Variants in PMAIP1 observed in about 807,000 individuals in gnomAD.
PMAIP1 encodes the protein PMA-induced protein 1.
In PMAIP1, 3 loss-of-function variants were observed where a neutral mutation model predicts 3.7. The ratio of observed to expected loss-of-function variants is 0.82; its 90% confidence interval spans 0.37 to 2.12. The LOEUF (loss-of-function observed/expected upper bound fraction) is 2.12, where lower values mean the gene tolerates loss of function less well. Ranked by LOEUF, PMAIP1 falls within the 30% of genes most tolerant of loss-of-function variation. The pLI, the probability that PMAIP1 is intolerant of heterozygous loss-of-function variation, is 0.06. For missense variants in PMAIP1, 77 were observed against 67.1 expected (o/e 1.15, Z -0.52); for synonymous variants, 29 against 26.2 (o/e 1.11, Z -0.32).
At chr18:59,900,503 G>A (rs756560533) in intron 1 of PMAIP1, 7 of 1,550,512 alleles carry the variant, frequency 4.5e-6, no homozygotes, top group Admixed American at 3.9e-5. Context: ...TTCACCAGGG[G>A]CAAAAAGCTC....
chr18:59,901,594 A>G (rs1333569876), intron 1 of PMAIP1, among the ~76,000 whole-genome samples: 1 of 152,206 alleles, frequency 6.6e-6, no homozygotes, highest in African/African-American at 2.4e-5. Flanking sequence ...ATTTTGCTTT[A>G]CTATATATTG....
intron 1 of PMAIP1, 178 bp downstream of exon 1, chr18:59,900,413 G>C (rs761218714): frequency 6.5e-7 from 1 of 1,550,232 alleles, no homozygotes; most frequent in East Asian, 2.4e-5. Flanking sequence ...AAAGTTCTTC[G>C]GGGTTTTTCC....
Position 59,902,767 on chromosome 18 carries a change from T to G in PMAIP1, c.*14T>G, listed in dbSNP as rs767708286. 1 of 1,614,164 alleles carries G rather than the reference T, an allele frequency of 6.2e-7. No individual in the cohort carries two copies. The highest frequency in any genetic ancestry group is 1.7e-5 in the Admixed American group (1 of 60,030). ...TCAGGAACCTGACTGCATCAAAAAC[T>G]TGCATGAGGGGACTCCTTCAAAAGA... On this transcript the variant is annotated 3_prime_UTR_variant, in exon 2 of 2. Coordinates refer to ENST00000316660, the MANE Select transcript of PMAIP1 (RefSeq NM_021127.3).
rs1321477106 is a variant in PMAIP1, at chr18:59,903,649, A to C, written c.*896A>C. ...TAAAGAAGTTTCTAAAGGTTCGGAA[A>C]ATGCTCCTTGTCACATTAGTGTGCA... On this transcript the variant is annotated 3_prime_UTR_variant, in exon 2 of 2. Transcript: ENST00000316660. 6.6e-6 allele frequency: 1 copy of C among 152,206 alleles called. No individual in the cohort carries two copies. The highest frequency in any genetic ancestry group is 1.5e-5 in the Non-Finnish European group (1 of 68,016). The allele number at this position is 152,206 out of a possible 1,614,324, so 9.4% of individuals were successfully genotyped here. A position where few individuals can be genotyped will look rare whatever the true frequency, so the allele number is the denominator to read the frequency against.
Position 59,900,122 on chromosome 18 carries a change from G to A in PMAIP1, c.-56G>A, listed in dbSNP as rs997409478. On this transcript the variant is annotated 5_prime_UTR_variant, in exon 1 of 2. Coordinates refer to ENST00000316660, the MANE Select transcript of PMAIP1 (RefSeq NM_021127.3). ...TCCTGCAGCTGTCCGAGGTGCTCCA[G>A]TTGGAGGCTGAGGTTCCCGGGCTCT... 2.0e-6 allele frequency: 3 copies of A among 1,530,046 alleles called. No individual in the cohort carries two copies. The African/African-American group carries it at 4.1e-5, about 21-fold the overall frequency. 94.8% of individuals were successfully genotyped at this position (1,530,046 alleles called of 1,614,324 possible).
rs2055792260 is a variant in PMAIP1 at position 59,904,025 on chromosome 18, T to C, written c.*1272T>C. On this transcript the variant is annotated 3_prime_UTR_variant, in exon 2 of 2. Coordinates refer to ENST00000316660, the MANE Select transcript of PMAIP1 (RefSeq NM_021127.3). ...TATTTTTCTTTAGTTTGAAAATGTG[T>C]ATTAAAGTTACATTTTTGAGTTACA... is the stretch of plus-strand genomic sequence containing the variant. 6.6e-6 allele frequency: 1 copy of C among 152,224 alleles called. No homozygotes were observed. The highest frequency in any genetic ancestry group is 1.5e-5 in the Non-Finnish European group (1 of 68,024). The allele number at this position is 152,224 out of a possible 1,614,324, so 9.4% of individuals were successfully genotyped here. A position where few individuals can be genotyped will look rare whatever the true frequency, so the allele number is the denominator to read the frequency against.
Position 59,904,165 on chromosome 18 carries a change from T to C in PMAIP1, c.*1412T>C, listed in dbSNP as rs1170718735. On this transcript the variant is annotated 3_prime_UTR_variant, in exon 2 of 2. Transcript: ENST00000316660. Reference sequence around the variant, plus strand: ...CTTCAGTATTACTTAAGATTGTTTATTTAGTGGTAGAGAGTTTTTTTTTTC... The same window carrying C: ...CTTCAGTATTACTTAAGATTGTTTACTTAGTGGTAGAGAGTTTTTTTTTTC... The C allele has an allele frequency of 6.6e-6, 1 of 151,834 alleles. No individual in the cohort carries two copies. The highest frequency in any genetic ancestry group is 1.9e-4 in the East Asian group (1 of 5,202). 9.4% of individuals were successfully genotyped at this position (151,834 alleles called of 1,614,324 possible).
chr18:59,902,822 T>C lies in PMAIP1; in HGVS notation c.*69T>C. 6.2e-7 allele frequency: 1 copy of C among 1,610,278 alleles called. No homozygotes were observed. Among genetic ancestry groups the C allele is most frequent in the Non-Finnish European group, 8.5e-7 (1 of 1,177,758 alleles). On this transcript the variant is annotated 3_prime_UTR_variant, in exon 2 of 2. Transcript: ENST00000316660. The stretch of plus-strand genomic sequence containing the variant: ...TCTCAGGAGGTGCACGTTTCATCAA[T>C]TTGAAGAAAGACTGCATTGTAATTG...
At position 59,900,163 on chromosome 18, in the gene PMAIP1, GC is replaced by G; in HGVS notation, c.-14del. 1 of 1,556,384 alleles carries G rather than the reference GC, an allele frequency of 6.4e-7. No homozygotes were observed. The stretch of plus-strand genomic sequence containing the variant: ...CCCGGGCTCTGTAGCTGAGTGGGCG[GC>G]GGCACCGGCGGAGATGCCTGGGAAG... On this transcript the variant is annotated 5_prime_UTR_variant, in exon 1 of 2. Coordinates refer to ENST00000316660, the MANE Select transcript of PMAIP1 (RefSeq NM_021127.3).
chr18:59,900,675 C>A, intron 1 of PMAIP1: 1 of 1,301,950 alleles, frequency 7.7e-7, no homozygotes, highest in Non-Finnish European at 1.1e-6. Flanking sequence ...CCAGAGACGG[C>A]CCCACAAGGG....
rs2055756824 is a variant in PMAIP1 at position 59,900,531 on chromosome 18, C to T, written c.58+296C>T. 7 of 1,550,572 alleles carry T rather than the reference C, an allele frequency of 4.5e-6. No individual in the cohort carries two copies. In the South Asian group the frequency reaches 5.9e-5, roughly 13 times the overall value. ...AAAAGCTCCTTTCCTCCTCTCTTTC[C>T]TCCTCGCCACTTGCCCTTCCCCGGG... is the stretch of plus-strand genomic sequence containing the variant. On this transcript the variant is annotated intron_variant, in intron 1 of 1. Coordinates refer to ENST00000316660, the MANE Select transcript of PMAIP1 (RefSeq NM_021127.3).
At position 59,902,780 on chromosome 18, in the gene PMAIP1, CT is replaced by C; in HGVS notation, c.*28del. ...TGCATCAAAAACTTGCATGAGGGGA[CT>C]CCTTCAAAAGAGTTTTCTCAGGAGG... On this transcript the variant is annotated 3_prime_UTR_variant, in exon 2 of 2. Coordinates refer to ENST00000316660, the MANE Select transcript of PMAIP1 (RefSeq NM_021127.3). 6.2e-7 allele frequency: 1 copy of C among 1,614,100 alleles called. No homozygotes were observed. The highest frequency in any genetic ancestry group is 1.1e-5 in the South Asian group (1 of 91,078).
intron 1 of PMAIP1, 114 bp downstream of exon 1, chr18:59,900,349 G>T (rs2055752258): frequency 6.5e-7 from 1 of 1,527,744 alleles, no homozygotes; most frequent in African/African-American, 1.4e-5. Context: ...ACTGCACGGG[G>T]GTCAAGGTCG....
intron 1 of PMAIP1, chr18:59,900,463 G>C (rs2055755611): frequency 2.6e-6 from 4 of 1,548,776 alleles, no homozygotes; most frequent in Non-Finnish European, 3.5e-6. Flanking sequence ...GAGGGACCAA[G>C]CCGGATTTGC....
intron 1 of PMAIP1, among the ~76,000 whole-genome samples, chr18:59,901,707 CA>C (rs1473937153): frequency 6.6e-6 from 1 of 152,112 alleles, no homozygotes; most frequent in Non-Finnish European, 1.5e-5. Flanking sequence ...TGTTTGTAAT[CA>C]TGAAGTGTAC....
rs61736947 is a variant in PMAIP1 at position 59,900,219 on chromosome 18, C to T, written c.42C>T (p.Pro14=). The T allele has an allele frequency of 0.045, 70,033 of 1,552,530 alleles. 1,858 individuals are homozygous for T. Among genetic ancestry groups the T allele is most frequent in the Non-Finnish European group, 0.052 (60,191 of 1,151,286 alleles). The change falls in exon 1 of 2, where the codon CCC becomes CCT. Residue 14 remains proline (P), a synonymous_variant. Coordinates refer to ENST00000316660, the MANE Select transcript of PMAIP1 (RefSeq NM_021127.3). Reference sequence around the variant, plus strand: ...CGCGCAAGAACGCTCAACCGAGCCCCGCGCGGGCTCCAGCAGGTACCGACC... The same window carrying T: ...CGCGCAAGAACGCTCAACCGAGCCCTGCGCGGGCTCCAGCAGGTACCGACC... ...KKARKNAQPS[P]ARAPAELEVE... is the part of the protein sequence containing the mutation.
In PMAIP1 at chr18:59,900,599, G is replaced by GAA. The variant is rs758738107; in HGVS notation, c.58+366_58+367dup. ...CAAGTGTAGGCGGCTGTCTCTAGGAGAAAGTCATTGTCGCGGCAGAAGGGG... is the reference window on the plus strand; with the variant it reads ...CAAGTGTAGGCGGCTGTCTCTAGGAGAAAAAGTCATTGTCGCGGCAGAAGGGG... On this transcript the variant is annotated intron_variant, in intron 1 of 1. Coordinates refer to ENST00000316660, the MANE Select transcript of PMAIP1 (RefSeq NM_021127.3). The GAA allele has an allele frequency of 4.7e-4, 722 of 1,549,492 alleles. 1 individual carries two copies. Among genetic ancestry groups the GAA allele is most frequent in the South Asian group, 1.6e-3 (132 of 84,058 alleles).
chr18:59,901,650 G>A (rs1229935234), intron 1 of PMAIP1, among the ~76,000 whole-genome samples: 2 of 152,066 alleles, frequency 1.3e-5, no homozygotes, highest in African/African-American at 4.8e-5. Context: ...TTTCAGGGTC[G>A]ATTTATAAAA....
intron 1 of PMAIP1, chr18:59,900,591 C>G (rs1420162560): frequency 4.5e-6 from 7 of 1,549,988 alleles, no homozygotes; most frequent in Admixed American, 2.0e-5. Flanking sequence ...AGGCGGCTGT[C>G]TCTAGGAGAA....
Sources: gnomAD v4.1 joint callset for allele counts (sites outside exome capture counted in the v4.1 genomes callset) on GRCh38, gnomAD v4.1.1 for gene constraint, MANE v1.5 for transcripts, NCBI Gene and HGNC (gene_info 2026-07-23, HGNC 2026-07-21) for gene names.